The following LRP1B variants were observed in gnomAD, a reference collection of about 807,000 sequenced individuals.
The protein encoded by LRP1B is low-density lipoprotein receptor-related protein 1B.
LRP1B carries 217 observed loss-of-function variants against 556.6 expected under a neutral mutation model. The observed-to-expected ratio is 0.39, with a 90% CI of 0.35 to 0.44. LRP1B has a LOEUF of 0.44. Ranked by LOEUF, LRP1B falls within the 20% of genes least tolerant of loss-of-function variation. The pLI, the probability that LRP1B is intolerant of heterozygous loss-of-function variation, is 1.00. For missense variants in LRP1B, 5,053 were observed against 5,620.8 expected, an observed-to-expected ratio of 0.90 and a Z score of 3.23; for synonymous variants, 2,047 against 1,865.8, an observed-to-expected ratio of 1.10 and a Z score of -2.50.
At chr2:140,405,717 C>T (rs1684703497) in intron 66 of LRP1B, among the ~76,000 whole-genome samples, 2 of 152,056 alleles carry the variant, frequency 1.3e-5, no homozygotes, top group Non-Finnish European at 2.9e-5. Flanking sequence ...AAATTGCCAA[C>T]AGCAAAAAGC....
intron 2 of LRP1B, among the ~76,000 whole-genome samples, chr2:141,516,805 C>A (rs1279975874): frequency 1.2e-4 from 18 of 150,052 alleles, no homozygotes; most frequent in African/African-American, 4.4e-4. Flanking sequence ...TCAAGTGATT[C>A]TCTTGCCTCA....
At chr2:141,288,932 A>G (rs548063635) in intron 3 of LRP1B, among the ~76,000 whole-genome samples, 149 of 152,304 alleles carry the variant, frequency 9.8e-4, no homozygotes, top group African/African-American at 3.3e-3. Context: ...CACTTTCAAT[A>G]TCATGAAATC....
At chr2:140,652,580 C>G (rs115674223) in intron 41 of LRP1B, among the ~76,000 whole-genome samples, 1,745 of 152,126 alleles carry the variant, frequency 0.011, 34 homozygotes, top group African/African-American at 0.04. Flanking sequence ...TCACACCCCT[C>G]TATAGGACCA....
intron 1 of LRP1B, among the ~76,000 whole-genome samples, chr2:141,893,705 T>TTGGTG (rs996601247): frequency 6.6e-6 from 1 of 152,092 alleles, no homozygotes; most frequent in African/African-American, 2.4e-5. Flanking sequence ...TTTGAGATGG[T>TTGGTG]TGGTGCTAAA....
At chr2:141,548,260 T>C (rs1685622456) in intron 2 of LRP1B, among the ~76,000 whole-genome samples, 1 of 152,232 alleles carries the variant, frequency 6.6e-6, no homozygotes. Flanking sequence ...CAATCAGTGC[T>C]CAAAAATGTT....
At chr2:141,375,452 T>C (rs1185108103) in intron 3 of LRP1B, among the ~76,000 whole-genome samples, 2 of 152,068 alleles carry the variant, frequency 1.3e-5, no homozygotes, top group Non-Finnish European at 2.9e-5. Flanking sequence ...TTGTGGGTGA[T>C]GGCAGTAGCA....
intron 2 of LRP1B, among the ~76,000 whole-genome samples, chr2:141,575,180 T>C (rs1686687663): frequency 2.0e-5 from 3 of 152,148 alleles, no homozygotes; most frequent in Admixed American, 6.5e-5. Flanking sequence ...AGAACAAAGT[T>C]GGAAGCATCA....
intron 43 of LRP1B, among the ~76,000 whole-genome samples, chr2:140,570,338 G>A (rs1558974462): frequency 6.6e-6 from 1 of 151,152 alleles, no homozygotes; most frequent in Non-Finnish European, 1.5e-5. Context: ...AATCAAAAAG[G>A]AGACATTACA....
intron 3 of LRP1B, among the ~76,000 whole-genome samples, chr2:141,341,363 T>C (rs974684201): frequency 1.3e-5 from 2 of 152,188 alleles, no homozygotes; most frequent in African/African-American, 2.4e-5. Context: ...AACAAAGTTA[T>C]GAAAATTTTA....
intron 43 of LRP1B, among the ~76,000 whole-genome samples, chr2:140,592,815 T>C (rs568261939): frequency 9.9e-5 from 15 of 152,164 alleles, no homozygotes; most frequent in African/African-American, 3.6e-4. Context: ...TGGTTCAGGC[T>C]TGTAGTCCCA....
chr2:140,770,971 A>G lies in LRP1B; in HGVS notation c.5536T>C (p.Ser1846Pro), dbSNP rs1351681728. The G allele has an allele frequency of 5.0e-6, 8 of 1,586,830 alleles. No individual in the cohort carries two copies. The highest frequency in any genetic ancestry group is 6.8e-6 in the Non-Finnish European group (8 of 1,169,092). ...TCAGATGTTGGTAAACAAAGTTGAG[A>G]GCATCCACCATTGTTTAGTTGGCAG... ...NSCQLNNGGCSQLCLPTSETT... is the reference protein window; with the variant it reads ...NSCQLNNGGCPQLCLPTSETT... Residue 1846 changes from serine to proline, a missense_variant, in exon 34 of 91, where the codon TCT (serine) becomes CCT (proline). This residue lies in a region of LRP1B where 3,619 missense variants were observed against 3,931.9 expected (regional missense o/e 0.92). Transcript: ENST00000389484.
intron 1 of LRP1B, among the ~76,000 whole-genome samples, chr2:141,836,246 A>G (rs1697274469): frequency 6.6e-6 from 1 of 152,052 alleles, no homozygotes; most frequent in African/African-American, 2.4e-5. Flanking sequence ...ACTCACAGTA[A>G]TATAATTTAT....
chr2:141,314,893 TAC>T (rs1161919620), intron 3 of LRP1B, among the ~76,000 whole-genome samples: 4 of 144,206 alleles, frequency 2.8e-5, no homozygotes, highest in Non-Finnish European at 6.0e-5. Context: ...TATACATATA[TAC>T]ATATATATAT....
At chr2:141,502,457 T>C (rs996140250) in intron 2 of LRP1B, among the ~76,000 whole-genome samples, 3 of 152,160 alleles carry the variant, frequency 2.0e-5, no homozygotes, top group African/African-American at 7.2e-5. Context: ...ACAAAATTAC[T>C]TGATTTAAAA....
At chr2:140,862,424 A>G (rs1417784396) in intron 27 of LRP1B, among the ~76,000 whole-genome samples, 1 of 152,210 alleles carries the variant, frequency 6.6e-6, no homozygotes, top group East Asian at 1.9e-4. Context: ...GAGTAACTGC[A>G]ACAGAGAACA....
chr2:140,800,927 G>A (rs547435667), intron 32 of LRP1B, among the ~76,000 whole-genome samples: 1 of 151,882 alleles, frequency 6.6e-6, no homozygotes, highest in East Asian at 1.9e-4. Flanking sequence ...TTTAATATGT[G>A]TTTCAATAAA....
intron 20 of LRP1B, among the ~76,000 whole-genome samples, chr2:140,923,987 G>A (rs752935561): frequency 1.3e-5 from 2 of 151,936 alleles, no homozygotes; most frequent in Non-Finnish European, 2.9e-5. Context: ...ATATTAATCT[G>A]TATTTCCAAA....
At position 141,851,918 on chromosome 2, in the gene LRP1B, GTT is replaced by G. The variant is rs374448513; in HGVS notation, c.83-41519_83-41518del. On this transcript the variant is annotated intron_variant, in intron 1 of 90. Coordinates refer to ENST00000389484, the MANE Select transcript of LRP1B (RefSeq NM_018557.3). ...AGTGAGAATTGCTTTCTTGAGTAGA[GTT>G]TTCAGAATTTGATATAATCTACAAA... Among the ~76,000 whole-genome samples, 146 of 151,744 alleles carry G rather than the reference GTT, an allele frequency of 9.6e-4. 2 individuals are homozygous for G. In the East Asian group the frequency reaches 0.021, roughly 22 times the overall value.
chr2:141,949,487 T>C (rs1314480344), intron 1 of LRP1B, among the ~76,000 whole-genome samples: 1 of 152,082 alleles, frequency 6.6e-6, no homozygotes, highest in Non-Finnish European at 1.5e-5. Flanking sequence ...GCCTCCTGGG[T>C]TCAAGCAATT....
Sources: gnomAD v4.1 joint callset for allele counts (sites outside exome capture counted in the v4.1 genomes callset) on GRCh38, gnomAD v4.1.1 for gene constraint, gnomAD v4.1.1 regional missense constraint, MANE v1.5 for transcripts, NCBI Gene and HGNC (gene_info 2026-07-23, HGNC 2026-07-21) for gene names.